CABP4: variants seen among roughly 807,000 people sequenced by gnomAD.
The protein encoded by CABP4 is calcium-binding protein 4.
A neutral mutation model predicts 30.7 loss-of-function variants in CABP4; 30 were observed. The ratio of observed to expected loss-of-function variants is 0.98; its 90% CI spans 0.73 to 1.33. The LOEUF is 1.33. Among genes scored for constraint, CABP4 ranks in the 40% most tolerant of loss-of-function variants. The probability of loss-of-function intolerance (pLI) is 0.00; values close to 1 mark genes in which losing one functional copy is unlikely to be tolerated. For missense variants in CABP4, 424 were observed against 395.5 expected (o/e 1.07, Z -0.61); for synonymous variants, 161 against 159.2 (o/e 1.01, Z -0.08).
rs895704948 is a variant in CABP4 at position 67,459,576 on chromosome 11, G to T, written c.*917G>T. ...TGGAACTCCAGGGCCTGCCCTTCAA[G>T]CAGGCGTGTAGTCTCTCTCCAGGGT... On this transcript the variant is annotated 3_prime_UTR_variant, in exon 6 of 6. Coordinates refer to ENST00000325656, the MANE Select transcript of CABP4 (RefSeq NM_145200.5). The T allele has an allele frequency of 4.6e-5, 7 of 152,252 alleles. No individual in the cohort carries two copies. Among genetic ancestry groups the T allele is most frequent in the Non-Finnish European group, 1.0e-4 (7 of 68,068 alleles). The allele number at this position is 152,252 out of a possible 1,614,324, so 9.4% of individuals were successfully genotyped here.
chr11:67,458,892 C>T lies in CABP4; in HGVS notation c.*233C>T. Reference sequence around the variant, plus strand: ...GAGAAGACCTGCTCTCAGCTGCCCACCGTTCCTCAGTGTGAGCAAGATTTG... The same window carrying T: ...GAGAAGACCTGCTCTCAGCTGCCCATCGTTCCTCAGTGTGAGCAAGATTTG... On this transcript the variant is annotated 3_prime_UTR_variant, in exon 6 of 6. Coordinates refer to ENST00000325656, the MANE Select transcript of CABP4 (RefSeq NM_145200.5). 1 of 613,104 alleles carries T rather than the reference C, an allele frequency of 1.6e-6. No homozygotes were observed. Among genetic ancestry groups the T allele is most frequent in the Non-Finnish European group, 2.9e-6 (1 of 340,294 alleles). 38.0% of individuals were successfully genotyped at this position (613,104 alleles called of 1,614,324 possible). A position where few individuals can be genotyped will look rare whatever the true frequency, so the allele number is the denominator to read the frequency against.
At position 67,460,319 on chromosome 11, in the gene CABP4, G is replaced by A. The variant is rs1864969805; in HGVS notation, c.*1660G>A. ...TACTAAAAATACAAAAATTAGCCAG[G>A]CGTGGTGGTGCTTGCATCTGTGGTC... is the stretch of plus-strand genomic sequence containing the variant. On this transcript the variant is annotated 3_prime_UTR_variant, in exon 6 of 6. Transcript: ENST00000325656. 6.6e-6 allele frequency: 1 copy of A among 152,104 alleles called. No homozygotes were observed. 9.4% of individuals were successfully genotyped at this position (152,104 alleles called of 1,614,324 possible).
rs907820710 is a variant in CABP4, at chr11:67,460,677, C to T, written c.*2018C>T. Among the ~76,000 whole-genome samples, 20 of 151,858 alleles carry T rather than the reference C, an allele frequency of 1.3e-4. No individual in the cohort carries two copies. Among genetic ancestry groups the T allele is most frequent in the Admixed American group, 5.9e-4 (9 of 15,220 alleles). On this transcript the variant is annotated 3_prime_UTR_variant, in exon 6 of 6. Coordinates refer to ENST00000325656, the MANE Select transcript of CABP4 (RefSeq NM_145200.5). ...AGAGACAAAAGGATGGAAAATATTA[C>T]AGGGTAGTTAAAAGTCACTGGAAGG...
At chr11:67,452,662 A>G (rs1590994601), upstream of CABP4, 10 of 1,611,910 alleles carry the variant, frequency 6.2e-6, no homozygotes, top group East Asian at 2.0e-4. Context: ...AGTCCTCATC[A>G]TCAAGCTCTG....
chr11:67,453,040 G>A (rs1017809869), upstream of CABP4: 13 of 263,998 alleles, frequency 4.9e-5, no homozygotes, highest in African/African-American at 1.1e-4. Context: ...TGAGAGACAG[G>A]GCCTTGCTCT....
intron 4 of CABP4, among the ~76,000 whole-genome samples, chr11:67,458,154 G>A (rs1409166123): frequency 6.6e-6 from 1 of 152,148 alleles, no homozygotes; most frequent in African/African-American, 2.4e-5. Context: ...AGCTACTCAG[G>A]AGGCTGAGGC....
intron 3 of CABP4, among the ~76,000 whole-genome samples, chr11:67,457,181 C>T (rs896994075): frequency 2.0e-5 from 3 of 152,260 alleles, no homozygotes; most frequent in Non-Finnish European, 4.4e-5. Context: ...GCATTTATTG[C>T]TGCCCACTGG....
At chr11:67,454,226 TC>T (rs1864674631), upstream of CABP4, among the ~76,000 whole-genome samples, 1 of 152,080 alleles carries the variant, frequency 6.6e-6, no homozygotes, top group Non-Finnish European at 1.5e-5. Context: ...ACCTCGCCCT[TC>T]CCCGCTGGCA....
chr11:67,456,148 G>A (rs748255263), intron 1 of CABP4, 40 bp from the exon 2 acceptor site: 8 of 1,612,986 alleles, frequency 5.0e-6, no homozygotes, highest in South Asian at 4.4e-5. Flanking sequence ...TGACAGAGCC[G>A]TGGCTGGCCC....
upstream of CABP4, chr11:67,453,286 C>T (rs1486022512): frequency 6.5e-6 from 1 of 153,420 alleles, no homozygotes; most frequent in Non-Finnish European, 1.4e-5. Flanking sequence ...GCATGAGACA[C>T]TGTCCAGACA....
In CABP4 at chr11:67,457,657, G is replaced by A. The variant is rs552701854; in HGVS notation, c.626G>A (p.Arg209Gln). ...REETAHMLGV[R>Q]ELRIAFREFD... ...GAGACGGCGCACATGCTGGGGGTGC[G>A]AGAGCTGCGCATCGCCTTCCGAGAG... The change falls in exon 4 of 6, where the codon CGA (arginine) becomes CAA (glutamine). Residue 209 changes from arginine to glutamine, a missense_variant. Arg to Gln is a conservative substitution (Grantham distance 43). Transcript: ENST00000325656. 2.5e-6 allele frequency: 4 copies of A among 1,599,498 alleles called. No individual in the cohort carries two copies. Among genetic ancestry groups the A allele is most frequent in the African/African-American group, 2.7e-5 (2 of 74,874 alleles).
intron 1 of CABP4, 173 bp from the exon 2 acceptor site, chr11:67,456,015 C>T: frequency 3.8e-6 from 5 of 1,300,164 alleles, no homozygotes; most frequent in Non-Finnish European, 5.4e-6. Flanking sequence ...GAGCTCCAGG[C>T]TCTAGGAGCA....
At chr11:67,454,531 C>T (rs1382686410), upstream of CABP4, among the ~76,000 whole-genome samples, 1 of 152,060 alleles carries the variant, frequency 6.6e-6, no homozygotes, top group Non-Finnish European at 1.5e-5. Context: ...AGGAGCAGGG[C>T]GTGCCTGCCT....
chr11:67,456,385 G>C lies in CABP4; in HGVS notation c.484G>C (p.Gly162Arg), dbSNP rs760401379. 5.0e-6 allele frequency: 8 copies of C among 1,613,102 alleles called. No individual in the cohort carries two copies. Among genetic ancestry groups the C allele is most frequent in the Admixed American group, 1.7e-5 (1 of 59,986 alleles). Residue 162 changes from glycine to arginine, a missense_variant, in exon 3 of 6, where the codon GGC (glycine) becomes CGC (arginine). By Grantham distance (125) the Gly-to-Arg change is moderately radical. Coordinates refer to ENST00000325656, the MANE Select transcript of CABP4 (RefSeq NM_145200.5). ...GCTGGGTGACTGCATGCGGACCCTG[G>C]GCTACATGCCCACCGAGATGGAGCT... ...RELGDCMRTL[G>R]YMPTEMELLE... is the part of the protein sequence containing the mutation.
rs2135196150 is a variant in CABP4, at chr11:67,461,692, G to C, written c.*3033G>C. ...CTGCTGTTGAAGTTTGTAGTGCAAA[G>C]TCAAGTCAACAAATGAGTGTGGCTA... On this transcript the variant is annotated 3_prime_UTR_variant, in exon 6 of 6. Coordinates refer to ENST00000325656, the MANE Select transcript of CABP4 (RefSeq NM_145200.5). 6.6e-6 allele frequency: 1 copy of C among 152,296 alleles called. No homozygotes were observed. Among genetic ancestry groups the C allele is most frequent in the East Asian group, 1.9e-4 (1 of 5,194 alleles). The allele number at this position is 152,296 out of a possible 1,614,324, so 9.4% of individuals were successfully genotyped here.
upstream of CABP4, chr11:67,452,514 G>A (rs1240410388): frequency 6.2e-7 from 1 of 1,608,888 alleles, no homozygotes. Flanking sequence ...GCCAGGCTGA[G>A]CAGGAGCAGC....
At position 67,458,914 on chromosome 11, in the gene CABP4, T is replaced by C; in HGVS notation, c.*255T>C. On this transcript the variant is annotated 3_prime_UTR_variant, in exon 6 of 6. Transcript: ENST00000325656. ...CCACCGTTCCTCAGTGTGAGCAAGA[T>C]TTGGGTCTCTCCAGACCTCTGGGAG... 1.7e-6 allele frequency: 1 copy of C among 585,970 alleles called. No homozygotes were observed. Among genetic ancestry groups the C allele is most frequent in the Non-Finnish European group, 3.1e-6 (1 of 324,890 alleles). The allele number at this position is 585,970 out of a possible 1,614,324, so 36.3% of individuals were successfully genotyped here. A position where few individuals can be genotyped will look rare whatever the true frequency, so the allele number is the denominator to read the frequency against.
chr11:67,457,578 G>C lies in CABP4; in HGVS notation c.547G>C (p.Gly183Arg), dbSNP rs146764702. Reference protein sequence around the residue: ...VSQHIKMRMGGRVDFEEFVEL... With the variant: ...VSQHIKMRMGRRVDFEEFVEL... Reference sequence around the variant, plus strand: ...CACTCTTCCTGGGTCTGCAGTGGGCGGCCGTGTGGACTTTGAGGAGTTTGT... The same window carrying C: ...CACTCTTCCTGGGTCTGCAGTGGGCCGCCGTGTGGACTTTGAGGAGTTTGT... The change falls in exon 4 of 6, where the codon GGC becomes CGC. Residue 183 changes from glycine to arginine, a missense_variant. Coordinates refer to ENST00000325656, the MANE Select transcript of CABP4 (RefSeq NM_145200.5). 3.6e-4 allele frequency: 574 copies of C among 1,584,270 alleles called. 1 individual carries two copies. Among genetic ancestry groups the C allele is most frequent in the African/African-American group, 1.6e-3 (116 of 74,496 alleles).
upstream of CABP4, chr11:67,453,066 T>C: frequency 4.7e-6 from 1 of 213,072 alleles, no homozygotes; most frequent in Non-Finnish European, 9.4e-6. Flanking sequence ...CCAGGATGAG[T>C]GCAGTGGCAC....
Sources: allele counts gnomAD v4.1 joint callset (sites outside exome capture counted in the v4.1 genomes callset), GRCh38; gene constraint gnomAD v4.1.1; transcripts MANE v1.5; gene names NCBI Gene and HGNC (gene_info 2026-07-23, HGNC 2026-07-21).